The following PTK7 variants were observed in gnomAD, a reference collection of about 807,000 sequenced individuals.
PTK7 encodes inactive tyrosine-protein kinase 7.
PTK7 carries 39 observed loss-of-function variants against 116.6 expected under a neutral mutation model. The observed-to-expected ratio is 0.33, with a 90% confidence interval of 0.26 to 0.44. The LOEUF is 0.44. Among genes scored for constraint, PTK7 ranks in the 20% least tolerant of loss-of-function variants. The probability of loss-of-function intolerance (pLI) is 1.00; values close to 1 mark genes in which losing one functional copy is unlikely to be tolerated. For missense variants in PTK7, 1,169 were observed against 1,425.6 expected, an observed-to-expected ratio of 0.82 and a Z score of 2.90; for synonymous variants, 546 against 563.6, an observed-to-expected ratio of 0.97 and a Z score of 0.44.
chr6:43,130,366 C>G lies in PTK7; in HGVS notation c.607C>G (p.His203Asp), dbSNP rs931705092. The G allele has an allele frequency of 3.1e-6, 5 of 1,611,400 alleles. No homozygotes were observed. The highest frequency in any genetic ancestry group is 4.2e-6 in the Non-Finnish European group (5 of 1,178,450). The change falls in exon 4 of 20, where the codon CAC becomes GAC. Residue 203 changes from histidine (H) to aspartate (D), a missense_variant. His to Asp is a moderately conservative substitution (Grantham distance 81). Coordinates refer to ENST00000230419, the MANE Select transcript of PTK7 (RefSeq NM_002821.5). ...EHSGLYSCCA[H>D]SAFGQACSSQ... Reference sequence around the variant, plus strand: ...TAGTGGGCTGTATTCCTGCTGCGCCCACAGTGCTTTTGGCCAGGCTTGCAG... The same window carrying G: ...TAGTGGGCTGTATTCCTGCTGCGCCGACAGTGCTTTTGGCCAGGCTTGCAG...
chr6:43,159,942 C>CAGGCAGATGATGAAGTACTGGCAGGT lies in PTK7; in HGVS notation c.3035_3052+8dup. On this transcript the variant is annotated frameshift_variant, in exon 19 of 20. Transcript: ENST00000230419. LOFTEE classifies it high-confidence loss of function. ...ACATGGAGAGATGCCCCATGGTGGG[C>CAGGCAGATGATGAAGTACTGGCAGGT]AGGCAGATGATGAAGTACTGGCAGG... 6.2e-7 allele frequency: 1 copy of CAGGCAGATGATGAAGTACTGGCAGGT among 1,613,906 alleles called. No homozygotes were observed. The highest frequency in any genetic ancestry group is 8.5e-7 in the Non-Finnish European group (1 of 1,179,878).
intron 1 of PTK7, among the ~76,000 whole-genome samples, chr6:43,102,637 G>A (rs779045485): frequency 6.0e-5 from 9 of 150,908 alleles, no homozygotes; most frequent in South Asian, 2.1e-4. Context: ...AACCGCAAAG[G>A]TGTCACACAA....
intron 15 of PTK7, chr6:43,144,813 T>G (rs78286928): frequency 0.055 from 27,117 of 494,010 alleles, 854 homozygotes; most frequent in Non-Finnish European, 0.067. Flanking sequence ...GTGTACTACC[T>G]GTAGTATTAT....
Position 43,151,534 on chromosome 6 carries a change from GTT to G in PTK7, c.2721+4849_2721+4850del, listed in dbSNP as rs200011172. On this transcript the variant is annotated intron_variant, in intron 17 of 19. Transcript: ENST00000230419. Reference sequence around the variant, plus strand: ...AGCCCCGTTTTTTTGTTTGTTTTTTGTTTTTTTTTTTTTTCGGAGACGGAGTC... The same window carrying G: ...AGCCCCGTTTTTTTGTTTGTTTTTTGTTTTTTTTTTTTCGGAGACGGAGTC... Among the ~76,000 whole-genome samples, 242 of 120,340 alleles carry G rather than the reference GTT, an allele frequency of 2.0e-3. 1 individual carries two copies. Among genetic ancestry groups the G allele is most frequent in the African/African-American group, 5.5e-3 (182 of 33,018 alleles). 78.9% of individuals were successfully genotyped at this position (120,340 alleles called of 152,430 possible). A position where few individuals can be genotyped will look rare whatever the true frequency, so the allele number is the denominator to read the frequency against.
intron 1 of PTK7, among the ~76,000 whole-genome samples, chr6:43,081,766 A>G (rs768080729): frequency 1.4e-4 from 22 of 152,216 alleles, no homozygotes; most frequent in Middle Eastern, 6.3e-3. Flanking sequence ...GGTGCAGGGC[A>G]GAATGATCAA....
At chr6:43,104,799 T>C (rs1034654008) in intron 1 of PTK7, among the ~76,000 whole-genome samples, 11 of 148,310 alleles carry the variant, frequency 7.4e-5, no homozygotes, top group African/African-American at 2.3e-4. Context: ...AAAGCGTAAA[T>C]TAGCACAACT....
intron 1 of PTK7, among the ~76,000 whole-genome samples, chr6:43,099,763 A>G (rs1767462225): frequency 6.6e-6 from 1 of 152,198 alleles, no homozygotes; most frequent in Non-Finnish European, 1.5e-5. Context: ...GGGAAATATA[A>G]TGACTGAAAT....
chr6:43,097,972 T>G (rs1024037712), intron 1 of PTK7, among the ~76,000 whole-genome samples: 1 of 152,190 alleles, frequency 6.6e-6, no homozygotes, highest in Non-Finnish European at 1.5e-5. Flanking sequence ...CAGTGGTAGC[T>G]CAAGACGTTT....
chr6:43,107,027 A>G (rs1426673009), intron 1 of PTK7, among the ~76,000 whole-genome samples: 2 of 151,612 alleles, frequency 1.3e-5, no homozygotes, highest in Admixed American at 1.3e-4. Flanking sequence ...GGTTAAAGCG[A>G]TTCTCCTGCC....
Position 43,128,960 on chromosome 6 carries a change from CCT to C in PTK7, c.80-16_80-15del, listed in dbSNP as rs998809849. On this transcript the variant is annotated splice_polypyrimidine_tract_variant and intron_variant, in intron 1 of 19. Coordinates refer to ENST00000230419, the MANE Select transcript of PTK7 (RefSeq NM_002821.5). ...CAGCTCCCCCTGACCCTGCCTCTCC[CCT>C]GTTTGCATCTACAGGTACCCAGACA... is the stretch of plus-strand genomic sequence containing the variant. 14 of 1,588,962 alleles carry C rather than the reference CCT, an allele frequency of 8.8e-6. No homozygotes were observed. In the African/African-American group the frequency reaches 9.4e-5, roughly 11 times the overall value.
chr6:43,076,631 T>G lies in PTK7; in HGVS notation c.79+64T>G, dbSNP rs1582037054. ...CGCGGGAGTCCCGTGGGCAAAAGGC[T>G]GCGCCCGGGGCGGTGGGTTTGGGCG... On this transcript the variant is annotated intron_variant, in intron 1 of 19. Coordinates refer to ENST00000230419, the MANE Select transcript of PTK7 (RefSeq NM_002821.5). This position sits in a 1 kb window ranked among gnomAD's most constrained non-coding sequence, Gnocchi z 5.7. The G allele has an allele frequency of 6.6e-7, 1 of 1,505,638 alleles. No homozygotes were observed. Among genetic ancestry groups the G allele is most frequent in the East Asian group, 2.6e-5 (1 of 38,116 alleles). The allele number at this position is 1,505,638 out of a possible 1,614,324, so 93.3% of individuals were successfully genotyped here. A position where few individuals can be genotyped will look rare whatever the true frequency, so the allele number is the denominator to read the frequency against.
At chr6:43,147,830 G>A (rs1304710715) in intron 17 of PTK7, among the ~76,000 whole-genome samples, 5 of 152,220 alleles carry the variant, frequency 3.3e-5, no homozygotes, top group Non-Finnish European at 7.3e-5. Flanking sequence ...ACTGTGTATA[G>A]TGGCTGTAGA....
intron 17 of PTK7, among the ~76,000 whole-genome samples, chr6:43,157,378 T>TTTTTTTC (rs1561990797): frequency 2.5e-4 from 20 of 79,764 alleles, no homozygotes; most frequent in Non-Finnish European, 4.6e-4. Flanking sequence ...TTTTTTTTCT[T>TTTTTTTC]TTTTTTTTTT....
chr6:43,094,006 C>A (rs1170245168), intron 1 of PTK7, among the ~76,000 whole-genome samples: 3 of 152,212 alleles, frequency 2.0e-5, no homozygotes, highest in Admixed American at 1.3e-4. Flanking sequence ...AGTTATACTT[C>A]TACGCAAAGG....
chr6:43,114,485 CT>C (rs1345222470), intron 1 of PTK7, among the ~76,000 whole-genome samples: 4 of 151,908 alleles, frequency 2.6e-5, no homozygotes, highest in Non-Finnish European at 5.9e-5. Context: ...CTGTGTGTGA[CT>C]TTGGAGGTCC....
chr6:43,111,326 T>C (rs768253939), intron 1 of PTK7, among the ~76,000 whole-genome samples: 2 of 152,160 alleles, frequency 1.3e-5, no homozygotes, highest in Admixed American at 6.5e-5. Flanking sequence ...ATCAGGCAGC[T>C]GAGGGACAGA....
At chr6:43,133,444 A>T (rs1769833819) in intron 7 of PTK7, 1 of 152,164 alleles carries the variant, frequency 6.6e-6, no homozygotes, top group East Asian at 1.9e-4. Flanking sequence ...GTGGTGGGGC[A>T]CACCTGTAAT....
At chr6:43,157,364 A>ATTTTTTTT (rs1293389236) in intron 17 of PTK7, among the ~76,000 whole-genome samples, 17 of 54,346 alleles carry the variant, frequency 3.1e-4, no homozygotes, top group South Asian at 1.6e-3. Flanking sequence ...ATATATATAT[A>ATTTTTTTT]TTTTTTTTTT....
In PTK7 at chr6:43,146,600, G is replaced by C. The variant is rs763410560; in HGVS notation, c.2641-18G>C. On this transcript the variant is annotated intron_variant, in intron 16 of 19. Transcript: ENST00000230419. ...GGCTGTGCACTGACCTGAGCGAGAT[G>C]CCTGGCTTTTCCCTTAGGGAGACCT... 6.2e-7 allele frequency: 1 copy of C among 1,610,842 alleles called. No individual in the cohort carries two copies. The highest frequency in any genetic ancestry group is 1.7e-5 in the Admixed American group (1 of 60,016).
Sources: allele counts gnomAD v4.1 joint callset (sites outside exome capture counted in the v4.1 genomes callset), GRCh38; gene constraint gnomAD v4.1.1; non-coding constraint Gnocchi (gnomAD v3.1); transcripts MANE v1.5; gene names NCBI Gene and HGNC (gene_info 2026-07-23, HGNC 2026-07-21).